ANKS1A: variants seen among roughly 807,000 people sequenced by gnomAD.
ANKS1A encodes the protein ankyrin repeat and SAM domain-containing protein 1A.
Under a neutral mutation model 120.3 loss-of-function variants are expected in ANKS1A, and 55 were observed. The observed-to-expected ratio is 0.46, with a 90% CI of 0.37 to 0.57. The LOEUF (loss-of-function observed/expected upper bound fraction) is 0.57. Ranked by LOEUF, ANKS1A falls within the 20% of genes least tolerant of loss-of-function variation. The probability of loss-of-function intolerance (pLI) is 0.00; values close to 1 mark genes in which losing one functional copy is unlikely to be tolerated. For missense variants in ANKS1A, 1,123 were observed against 1,480.3 expected (o/e 0.76, Z 3.96); for synonymous variants, 590 against 604.7 (o/e 0.98, Z 0.36).
chr6:34,903,776 A>C (rs2127450162), intron 1 of ANKS1A, among the ~76,000 whole-genome samples: 1 of 152,046 alleles, frequency 6.6e-6, no homozygotes, highest in Middle Eastern at 3.4e-3. Flanking sequence ...CGGCCTTCCA[A>C]AGTGTTGGGA....
chr6:34,938,560 A>G (rs545102925), intron 1 of ANKS1A, among the ~76,000 whole-genome samples: 1 of 152,308 alleles, frequency 6.6e-6, no homozygotes, highest in East Asian at 1.9e-4. Flanking sequence ...CAAGAAGCCT[A>G]TTTTGGTCAA....
intron 1 of ANKS1A, among the ~76,000 whole-genome samples, chr6:34,942,471 A>G (rs144831268): frequency 1.3e-5 from 2 of 152,208 alleles, no homozygotes; most frequent in Non-Finnish European, 2.9e-5. Context: ...TCATACTCCA[A>G]ATCTGAAGAG....
At chr6:34,944,295 T>A (rs923602828) in intron 1 of ANKS1A, among the ~76,000 whole-genome samples, 1 of 151,880 alleles carries the variant, frequency 6.6e-6, no homozygotes, top group African/African-American at 2.4e-5. Context: ...AAAGTGGACA[T>A]ATTATTTTGT....
intron 13 of ANKS1A, among the ~76,000 whole-genome samples, chr6:35,065,891 A>G (rs371406711): frequency 6.6e-6 from 1 of 152,100 alleles, no homozygotes; most frequent in African/African-American, 2.4e-5. Flanking sequence ...AGCCACCACC[A>G]CTGCCTGGCC....
At chr6:34,960,228 A>G (rs933259877) in intron 1 of ANKS1A, among the ~76,000 whole-genome samples, 25 of 152,068 alleles carry the variant, frequency 1.6e-4, no homozygotes, top group Non-Finnish European at 3.5e-4. Context: ...GTCTTTTCTG[A>G]TGACCTTATC....
Position 35,082,922 on chromosome 6 carries a change from T to C in ANKS1A, c.2835+106T>C. The C allele has an allele frequency of 6.6e-7, 1 of 1,511,278 alleles. No homozygotes were observed. The highest frequency in any genetic ancestry group is 1.4e-5 in the African/African-American group (1 of 71,906). 93.6% of individuals were successfully genotyped at this position (1,511,278 alleles called of 1,614,324 possible). A position where few individuals can be genotyped will look rare whatever the true frequency, so the allele number is the denominator to read the frequency against. ...GACTCCACAAAGCCAGGCCCAGGGC[T>C]TTTGAGCTGTTCTCCACTCTCAGCC... On this transcript the variant is annotated intron_variant, in intron 18 of 23. Coordinates refer to ENST00000360359, the MANE Select transcript of ANKS1A (RefSeq NM_015245.3). This position sits in a 1 kb window ranked among gnomAD's most constrained non-coding sequence, Gnocchi z 4.1.
intron 16 of ANKS1A, 35 bp from the exon 17 acceptor site, chr6:35,080,959 G>A: frequency 6.2e-7 from 1 of 1,601,934 alleles, no homozygotes; most frequent in Non-Finnish European, 8.5e-7. Context: ...CTGGGCCGAG[G>A]GTTGCAAGTT....
chr6:35,015,043 G>T (rs756374245), intron 10 of ANKS1A, among the ~76,000 whole-genome samples: 22 of 152,168 alleles, frequency 1.4e-4, no homozygotes, highest in Non-Finnish European at 7.4e-5. Flanking sequence ...TGGGGCCTTG[G>T]TTAAGCTATA....
Position 35,078,331 on chromosome 6 carries a change from G to A in ANKS1A, c.2185-227G>A, listed in dbSNP as rs916892147. On this transcript the variant is annotated intron_variant, in intron 13 of 23. Coordinates refer to ENST00000360359, the MANE Select transcript of ANKS1A (RefSeq NM_015245.3). ...CGGCACCCCCACCCTTGTGTGCCCT[G>A]GCCGGCCTCAGCACCCTGTGCATAT... is the stretch of plus-strand genomic sequence containing the variant. 3.3e-5 allele frequency among the ~76,000 whole-genome samples: 5 copies of A among 152,120 alleles called. No homozygotes were observed. In the East Asian group the frequency reaches 9.6e-4, roughly 29 times the overall value.
intron 1 of ANKS1A, among the ~76,000 whole-genome samples, chr6:34,908,132 C>G (rs1325442515): frequency 1.3e-5 from 2 of 152,152 alleles, no homozygotes; most frequent in African/African-American, 4.8e-5. Flanking sequence ...GCCATTGAGC[C>G]AGGGATGTAA....
In ANKS1A at chr6:35,057,375, T is replaced by TG. The variant is rs914256471; in HGVS notation, c.2078-2771dup. Among the ~76,000 whole-genome samples the TG allele has an allele frequency of 2.0e-5, 3 of 152,286 alleles. No homozygotes were observed. Among genetic ancestry groups the TG allele is most frequent in the African/African-American group, 7.2e-5 (3 of 41,568 alleles). ...TCAAGCAGAAGGGAACTTGCTTGGC[T>TG]GTCTTCTGATAAAGCCAGCCATGTT... On this transcript the variant is annotated intron_variant, in intron 12 of 23. Coordinates refer to ENST00000360359, the MANE Select transcript of ANKS1A (RefSeq NM_015245.3). The surrounding 1 kb of genome is among the most constrained non-coding windows in gnomAD (Gnocchi z 4.1).
In ANKS1A at chr6:35,087,046, C is replaced by G. The variant is rs1778028552; in HGVS notation, c.3398C>G (p.Thr1133Ser). ...CCAGACTCTAAGCGGAGCCTCAGCACCAAGTATGAGACCACTATCTTCTAA... is the reference window on the plus strand; with the variant it reads ...CCAGACTCTAAGCGGAGCCTCAGCAGCAAGTATGAGACCACTATCTTCTAA... ...PKPDSKRSLS[T>S]N Residue 1133 changes from threonine to serine, a missense_variant, in exon 23 of 24, where the codon ACC (threonine) becomes AGC (serine). This residue lies in a region of ANKS1A where 904 missense variants were observed against 1,130.4 expected (regional missense o/e 0.80). Transcript: ENST00000360359. 3 of 1,613,962 alleles carry G rather than the reference C, an allele frequency of 1.9e-6. No individual in the cohort carries two copies.
At chr6:34,906,861 T>C (rs1016976406) in intron 1 of ANKS1A, among the ~76,000 whole-genome samples, 5 of 152,238 alleles carry the variant, frequency 3.3e-5, no homozygotes, top group African/African-American at 1.2e-4. Context: ...GGGCTAGACT[T>C]AGAAACTGGC....
chr6:34,999,572 G>A (rs12527060), intron 10 of ANKS1A, among the ~76,000 whole-genome samples: 2,105 of 152,212 alleles, frequency 0.014, 170 homozygotes, highest in Admixed American at 0.12. Flanking sequence ...GGGAGATTAC[G>A]GTGTTACTAT....
At chr6:35,081,225 C>G in intron 17 of ANKS1A, 67 bp downstream of exon 17, 1 of 1,490,882 alleles carries the variant, frequency 6.7e-7, no homozygotes, top group Non-Finnish European at 8.9e-7. Context: ...CAGGGCCTCC[C>G]AGAACCACCT....
chr6:34,921,748 A>G (rs1432096061), intron 1 of ANKS1A, among the ~76,000 whole-genome samples: 1 of 152,192 alleles, frequency 6.6e-6, no homozygotes, highest in Admixed American at 6.5e-5. Context: ...TCCAGGCTGG[A>G]GTGCAATGGC....
chr6:34,974,830 T>C (rs933825836), intron 3 of ANKS1A, among the ~76,000 whole-genome samples: 2 of 152,200 alleles, frequency 1.3e-5, no homozygotes, highest in African/African-American at 2.4e-5. Context: ...TTAAAGTGTA[T>C]GTAATGTATT....
rs923708970 is a variant in ANKS1A at position 35,081,161 on chromosome 6, G to A, written c.2709+3G>A. 6.2e-7 allele frequency: 1 copy of A among 1,605,274 alleles called. No homozygotes were observed. The highest frequency in any genetic ancestry group is 8.5e-7 in the Non-Finnish European group (1 of 1,175,662). On this transcript the variant is annotated splice_donor_region_variant and intron_variant, in intron 17 of 23. Coordinates refer to ENST00000360359, the MANE Select transcript of ANKS1A (RefSeq NM_015245.3). ...GAGCGGAGCGCTTCAGGATCCAGGT[G>A]GGGCAGGGGGAGTGGAGGTGCAGCC... is the stretch of plus-strand genomic sequence containing the variant.
At chr6:35,031,860 A>G (rs1252265126) in intron 11 of ANKS1A, among the ~76,000 whole-genome samples, 4 of 151,488 alleles carry the variant, frequency 2.6e-5, no homozygotes, top group African/African-American at 9.7e-5. Flanking sequence ...CTCATACCCT[A>G]TTTTTCCAGC....
Sources: allele counts gnomAD v4.1 joint callset (sites outside exome capture counted in the v4.1 genomes callset), GRCh38; gene constraint gnomAD v4.1.1; regional missense constraint gnomAD v4.1.1; non-coding constraint Gnocchi (gnomAD v3.1); transcripts MANE v1.5; gene names NCBI Gene and HGNC (gene_info 2026-07-23, HGNC 2026-07-21).